ZBTB38: variants seen among roughly 807,000 people sequenced by gnomAD.
ZBTB38 encodes zinc finger and BTB domain-containing protein 38.
A neutral mutation model predicts 76.8 loss-of-function variants in ZBTB38; 20 were observed. The ratio of observed to expected loss-of-function variants is 0.26; its 90% CI spans 0.18 to 0.38. The LOEUF is 0.38. Among genes scored for constraint, ZBTB38 ranks in the 10% least tolerant of loss-of-function variants. The pLI, the probability that ZBTB38 is intolerant of heterozygous loss-of-function variation, is 1.00. For missense variants in ZBTB38, 1,082 were observed against 1,482.3 expected (o/e 0.73, Z 4.43); for synonymous variants, 504 against 544.2 (o/e 0.93, Z 1.03).
chr3:141,331,395 C>T (rs1415582472), intron 1 of ZBTB38, among the ~76,000 whole-genome samples: 7 of 152,188 alleles, frequency 4.6e-5, no homozygotes, highest in East Asian at 1.9e-4. Context: ...CTGGCTAGCC[C>T]TAATATGTCA....
intron 5 of ZBTB38, among the ~76,000 whole-genome samples, chr3:141,435,039 GA>G (rs1201689711): frequency 7.7e-4 from 118 of 152,276 alleles, no homozygotes; most frequent in African/African-American, 2.6e-3. Context: ...AGGGATGGGG[GA>G]AAGCTGAGGT....
intron 5 of ZBTB38, among the ~76,000 whole-genome samples, chr3:141,422,184 G>C (rs2075537649): frequency 6.6e-6 from 1 of 152,240 alleles, no homozygotes; most frequent in South Asian, 2.1e-4. Context: ...AAAGAGCCCA[G>C]CCTTTCCAGG....
At chr3:141,398,569 G>A (rs910370564) in intron 4 of ZBTB38, among the ~76,000 whole-genome samples, 1 of 152,022 alleles carries the variant, frequency 6.6e-6, no homozygotes, top group Non-Finnish European at 1.5e-5. Context: ...TGTAGTAGAG[G>A]CTAGTTTAAT....
rs1425760912 is a variant in ZBTB38 at position 141,429,482 on chromosome 3, G to T, written c.1-12907G>T. Among the ~76,000 whole-genome samples, 4 of 152,166 alleles carry T rather than the reference G, an allele frequency of 2.6e-5. No homozygotes were observed. The East Asian group carries it at 7.7e-4, about 29-fold the overall frequency. On this transcript the variant is annotated intron_variant, in intron 5 of 5. Coordinates refer to ENST00000321464, the MANE Select transcript of ZBTB38 (RefSeq NM_001376113.1). ...GGTGAGCCTGGTTTGTGTTTCAAAT[G>T]CATGGTCATGTCACTTACTCGCCAG...
intron 1 of ZBTB38, among the ~76,000 whole-genome samples, chr3:141,352,465 G>T (rs1576667083): frequency 6.6e-6 from 1 of 152,094 alleles, no homozygotes; most frequent in East Asian, 1.9e-4. Context: ...TGGAGGGAAG[G>T]TCAATGGGAG....
intron 1 of ZBTB38, among the ~76,000 whole-genome samples, chr3:141,335,228 G>A (rs1942982348): frequency 1.3e-5 from 2 of 152,222 alleles, no homozygotes; most frequent in Admixed American, 6.5e-5. Context: ...TTGTCTGCTC[G>A]TGTTATGTAG....
intron 5 of ZBTB38, among the ~76,000 whole-genome samples, chr3:141,404,241 C>G (rs149095370): frequency 6.6e-6 from 1 of 152,332 alleles, no homozygotes; most frequent in East Asian, 1.9e-4. Context: ...TTTAGGACAG[C>G]TGGTTTCTTG....
rs758562970 is a variant in ZBTB38 at position 141,442,967 on chromosome 3, C to T, written c.579C>T (p.Ser193=). 118 of 1,614,094 alleles carry T rather than the reference C, an allele frequency of 7.3e-5. No homozygotes were observed. Among genetic ancestry groups the T allele is most frequent in the Middle Eastern group, 3.3e-4 (2 of 6,084 alleles). The change falls in exon 6 of 6, where the codon TCC becomes TCT. Residue 193 remains serine, a synonymous_variant. Coordinates refer to ENST00000321464, the MANE Select transcript of ZBTB38 (RefSeq NM_001376113.1). This position sits in a 1 kb window ranked among gnomAD's most constrained non-coding sequence, Gnocchi z 6.4. The part of the protein sequence containing the change: ...LDLRASFKKV[S]DSMRTASLCL... ...TGAGGGCAAGTTTCAAAAAGGTCTC[C>T]GACTCCATGAGAACAGCTAGCCTTT...
chr3:141,406,973 AATC>A (rs1190333708), intron 5 of ZBTB38, among the ~76,000 whole-genome samples: 2 of 152,204 alleles, frequency 1.3e-5, no homozygotes, highest in Non-Finnish European at 2.9e-5. Flanking sequence ...AATTTACACA[AATC>A]AAGAATCACT....
At chr3:141,378,750 G>A (rs1468928296) in intron 2 of ZBTB38, among the ~76,000 whole-genome samples, 1 of 152,166 alleles carries the variant, frequency 6.6e-6, no homozygotes, top group Admixed American at 6.5e-5. Flanking sequence ...CTCAGAGACT[G>A]ACAGCCCATC....
intron 5 of ZBTB38, among the ~76,000 whole-genome samples, chr3:141,411,274 A>T (rs561593015): frequency 6.6e-6 from 1 of 152,218 alleles, no homozygotes; most frequent in Non-Finnish European, 1.5e-5. Context: ...TAGCACAGTG[A>T]TTGGCTCCTA....
chr3:141,337,966 G>A lies in ZBTB38; in HGVS notation c.-739+13510G>A, dbSNP rs551141253. On this transcript the variant is annotated intron_variant, in intron 1 of 7. Transcript: ENST00000509842. ...ACAATATTCATTGAATGTCTATCAT[G>A]TGCTGGAAATGGTACCCAGCACTAA... Among the ~76,000 whole-genome samples the A allele has an allele frequency of 4.3e-4, 65 of 152,220 alleles. 1 individual carries two copies. Among genetic ancestry groups the A allele is most frequent in the Middle Eastern group, 3.4e-3 (1 of 294 alleles).
chr3:141,340,625 T>C (rs932870222), intron 1 of ZBTB38, among the ~76,000 whole-genome samples: 55 of 152,110 alleles, frequency 3.6e-4, no homozygotes, highest in African/African-American at 1.3e-3. Flanking sequence ...TGGCCGGGCG[T>C]GGTGGCTCAC....
chr3:141,399,928 T>C (rs1951373082), intron 4 of ZBTB38, among the ~76,000 whole-genome samples: 1 of 148,680 alleles, frequency 6.7e-6, no homozygotes, highest in South Asian at 2.1e-4. Context: ...ATTGTGGGAA[T>C]AGTGAAGAAC....
intron 5 of ZBTB38, among the ~76,000 whole-genome samples, chr3:141,420,572 G>C (rs2075128736): frequency 6.6e-6 from 1 of 152,160 alleles, no homozygotes; most frequent in Admixed American, 6.5e-5. Context: ...AATGATGTGT[G>C]CTCAGTTTCC....
chr3:141,436,506 T>G (rs2078826090), intron 5 of ZBTB38, among the ~76,000 whole-genome samples: 1 of 152,142 alleles, frequency 6.6e-6, no homozygotes, highest in African/African-American at 2.4e-5. Context: ...TATATTGATT[T>G]TTTTTGTGTG....
chr3:141,324,432 G>T (rs1478475923), exon 1 of ZBTB38: 1 of 152,202 alleles, frequency 6.6e-6, no homozygotes, highest in East Asian at 1.9e-4. Flanking sequence ...AGCCCGAAAA[G>T]AAGATTACTC....
At chr3:141,375,244 T>C (rs1945195085) in intron 2 of ZBTB38, among the ~76,000 whole-genome samples, 1 of 152,216 alleles carries the variant, frequency 6.6e-6, no homozygotes, top group Non-Finnish European at 1.5e-5. Context: ...ATTGTACACA[T>C]GAAATCACTG....
At chr3:141,378,813 T>C (rs1304149375) in intron 2 of ZBTB38, among the ~76,000 whole-genome samples, 1 of 152,204 alleles carries the variant, frequency 6.6e-6, no homozygotes, top group Non-Finnish European at 1.5e-5. Context: ...ATGTGCCCCA[T>C]TTACCCCTCC....
Sources: allele counts gnomAD v4.1 joint callset (sites outside exome capture counted in the v4.1 genomes callset), GRCh38; gene constraint gnomAD v4.1.1; non-coding constraint Gnocchi (gnomAD v3.1); transcripts MANE v1.5; gene names NCBI Gene and HGNC (gene_info 2026-07-23, HGNC 2026-07-21).